EDA: variants seen among roughly 807,000 people sequenced by gnomAD.
EDA encodes ectodysplasin-A.
In EDA, 2 loss-of-function variants were observed where a neutral mutation model predicts 23.6. The ratio of observed to expected loss-of-function variants is 0.08; its 90% CI spans 0.03 to 0.27. The LOEUF is 0.27. Among genes scored for constraint, EDA ranks in the 10% least tolerant of loss-of-function variants. The pLI, the probability that EDA is intolerant of heterozygous loss-of-function variation, is 1.00. For synonymous variants in EDA, 131 were observed against 132.0 expected, an observed-to-expected ratio of 0.99 and a Z score of 0.05; for missense variants, 229 against 324.2, an observed-to-expected ratio of 0.71 and a Z score of 2.26.
intron 1 of EDA, among the ~76,000 whole-genome samples, chrX:69,786,434 A>G (rs1370901903): frequency 1.9e-5 from 2 of 104,901 alleles, no homozygotes; most frequent in African/African-American, 6.9e-5. Flanking sequence ...ATTTAGTGCT[A>G]TAAATTTCCC....
chrX:69,712,895 A>T (rs1363951129), intron 1 of EDA, among the ~76,000 whole-genome samples: 1 of 111,072 alleles, frequency 9.0e-6, no homozygotes, highest in African/African-American at 3.3e-5. Context: ...AAAAATGATG[A>T]GTTCATGTCC....
chrX:69,705,077 G>T (rs1402368880), intron 1 of EDA, among the ~76,000 whole-genome samples: 1 of 109,190 alleles, frequency 9.2e-6, no homozygotes, highest in Non-Finnish European at 1.9e-5. Flanking sequence ...TACAAAATTA[G>T]CTGGATGTCG....
intron 1 of EDA, among the ~76,000 whole-genome samples, chrX:69,830,443 GTTA>G (rs988865113): frequency 9.0e-6 from 1 of 111,523 alleles, no homozygotes; most frequent in African/African-American, 3.3e-5. Context: ...CGTTGTATAT[GTTA>G]TTATTATGGC....
At chrX:69,847,892 G>A (rs1264100477) in intron 1 of EDA, among the ~76,000 whole-genome samples, 1 of 111,678 alleles carries the variant, frequency 9.0e-6, no homozygotes. Flanking sequence ...CTATTTTTAT[G>A]TTTTACTTTA....
chrX:69,850,508 C>T (rs2017104142), intron 1 of EDA, among the ~76,000 whole-genome samples: 1 of 112,143 alleles, frequency 8.9e-6, no homozygotes, highest in African/African-American at 3.2e-5. Flanking sequence ...ACCCTTATAA[C>T]ATCTCTTGAG....
chrX:69,655,261 G>A (rs1933266983), intron 1 of EDA, among the ~76,000 whole-genome samples: 1 of 111,255 alleles, frequency 9.0e-6, no homozygotes, highest in African/African-American at 3.3e-5. Context: ...CTGGCATGTG[G>A]TGCATGCCTG....
At chrX:69,909,378 A>G (rs2018225483) in intron 1 of EDA, among the ~76,000 whole-genome samples, 1 of 112,248 alleles carries the variant, frequency 8.9e-6, no homozygotes, top group African/African-American at 3.2e-5. Context: ...CTCAGCTCAC[A>G]GCAACCTCTG....
At chrX:69,726,766 G>A (rs2012820222) in intron 1 of EDA, among the ~76,000 whole-genome samples, 1 of 112,291 alleles carries the variant, frequency 8.9e-6, no homozygotes, top group East Asian at 2.8e-4. Flanking sequence ...CTTGTGATGG[G>A]TGTGGCTCAC....
Position 70,036,582 on chromosome X carries a change from C to T in EDA, c.*973C>T, listed in dbSNP as rs1161770909. On this transcript the variant is annotated 3_prime_UTR_variant, in exon 8 of 8. Coordinates refer to ENST00000374552, the MANE Select transcript of EDA (RefSeq NM_001399.5). ...GCAGTACAAATGTTTTTCATCCATT[C>T]CTAATCAAATTCTGTCTGGGGACGA... The T allele has an allele frequency of 8.9e-6, 1 of 112,772 alleles. No homozygotes were observed. Among genetic ancestry groups the T allele is most frequent in the East Asian group, 2.8e-4 (1 of 3,569 alleles). 9.3% of individuals were successfully genotyped at this position (112,772 alleles called of 1,213,427 possible).
At chrX:69,754,197 G>A (rs1762582310) in intron 1 of EDA, among the ~76,000 whole-genome samples, 1 of 112,131 alleles carries the variant, frequency 8.9e-6, no homozygotes. Context: ...TGCTTTTGCA[G>A]TGGCTGGTAC....
chrX:69,993,867 T>TCA (rs201360360), intron 2 of EDA, among the ~76,000 whole-genome samples: 1,773 of 111,616 alleles, frequency 0.016, 37 homozygotes, highest in African/African-American at 0.055. Flanking sequence ...AATTTGGTTG[T>TCA]CAGAGACTTT....
chrX:70,020,874 A>C (rs1446687060), intron 2 of EDA, among the ~76,000 whole-genome samples: 1 of 112,092 alleles, frequency 8.9e-6, no homozygotes, highest in Non-Finnish European at 1.9e-5. Context: ...TACATAGAAG[A>C]CTTCTAGATG....
chrX:69,788,119 T>G (rs1190211462), intron 1 of EDA, among the ~76,000 whole-genome samples: 4 of 111,697 alleles, frequency 3.6e-5, no homozygotes, highest in Admixed American at 9.5e-5. Flanking sequence ...CACATAGTTC[T>G]CGAGCCTTGG....
At chrX:69,975,106 G>A (rs189559079) in intron 2 of EDA, among the ~76,000 whole-genome samples, 83 of 111,355 alleles carry the variant, frequency 7.5e-4, no homozygotes, top group African/African-American at 2.3e-3. Flanking sequence ...CAACAATCCC[G>A]TTACTGGGTA....
intron 1 of EDA, among the ~76,000 whole-genome samples, chrX:69,846,766 GA>G (rs1450714231): frequency 9.0e-6 from 1 of 111,588 alleles, no homozygotes; most frequent in East Asian, 2.8e-4. Flanking sequence ...GGAATATTTG[GA>G]GGAACCTGGC....
At chrX:69,968,526 C>T (rs773328761) in intron 2 of EDA, among the ~76,000 whole-genome samples, 4 of 111,745 alleles carry the variant, frequency 3.6e-5, no homozygotes, top group Non-Finnish European at 7.5e-5. Context: ...CTAAGGGGGC[C>T]TTCAAATGCC....
intron 1 of EDA, among the ~76,000 whole-genome samples, chrX:69,698,614 G>A (rs1038451786): frequency 7.2e-5 from 8 of 111,637 alleles, no homozygotes; most frequent in African/African-American, 2.6e-4. Context: ...ACTATAAAAA[G>A]AGGGTGCTTT....
chrX:69,975,133 T>C (rs182257133), intron 2 of EDA, among the ~76,000 whole-genome samples: 95 of 111,129 alleles, frequency 8.5e-4, no homozygotes, highest in Admixed American at 2.6e-3. Flanking sequence ...CAAAAGAAAA[T>C]AAACCATTCT....
intron 1 of EDA, among the ~76,000 whole-genome samples, chrX:69,777,132 T>C (rs144745600): frequency 0.03 from 2,594 of 87,417 alleles, 62 homozygotes; most frequent in African/African-American, 0.095. Context: ...TTTGTTTCTG[T>C]TGATTCTGGG....
Sources: gnomAD v4.1 joint callset for allele counts (sites outside exome capture counted in the v4.1 genomes callset) on GRCh38, gnomAD v4.1.1 for gene constraint, MANE v1.5 for transcripts, NCBI Gene and HGNC (gene_info 2026-07-23, HGNC 2026-07-21) for gene names.